Variants in MCF2L2 observed in about 807,000 individuals in gnomAD.
MCF2L2 encodes the protein probable guanine nucleotide exchange factor MCF2L2.
In MCF2L2, 102 loss-of-function variants were observed where a neutral mutation model predicts 150.2. The observed-to-expected ratio is 0.68, with a 90% CI of 0.58 to 0.80. The LOEUF is 0.80. Ranked by LOEUF, MCF2L2 falls within the 30% of genes least tolerant of loss-of-function variation. The pLI is 0.00. For synonymous variants in MCF2L2, 465 were observed against 491.3 expected, an observed-to-expected ratio of 0.95 and a Z score of 0.71; for missense variants, 1,256 against 1,372.8, an observed-to-expected ratio of 0.91 and a Z score of 1.34.
intron 15 of MCF2L2, chr3:183,253,191 A>G (rs1380767517): frequency 0.02 from 2 of 102 alleles, no homozygotes; most frequent in Non-Finnish European, 0.034. Flanking sequence ...CGTGACGCCG[A>G]GAGTGCGGGG....
intron 3 of MCF2L2, among the ~76,000 whole-genome samples, chr3:183,345,785 T>C (rs993997670): frequency 1.3e-5 from 2 of 152,112 alleles, no homozygotes; most frequent in Non-Finnish European, 2.9e-5. Flanking sequence ...GAGAATACTA[T>C]AAACACCTCT....
chr3:183,357,425 T>A (rs1004799075), intron 3 of MCF2L2, among the ~76,000 whole-genome samples: 1 of 151,400 alleles, frequency 6.6e-6, no homozygotes, highest in Non-Finnish European at 1.5e-5. Flanking sequence ...ACAAAAAGAG[T>A]CCACTTTAAG....
chr3:183,335,117 TAAAA>T (rs762136253), intron 5 of MCF2L2, among the ~76,000 whole-genome samples: 1 of 118,124 alleles, frequency 8.5e-6, no homozygotes, highest in Non-Finnish European at 1.7e-5. Flanking sequence ...GACTCTGTCT[TAAAA>T]AAAAAAAAGA....
chr3:183,187,531 T>C (rs1429797032), intron 27 of MCF2L2, among the ~76,000 whole-genome samples: 1 of 152,160 alleles, frequency 6.6e-6, no homozygotes, highest in South Asian at 2.1e-4. Context: ...TGCAGTGGCA[T>C]CATCTCAGCT....
At chr3:183,199,054 T>G (rs1336831916) in intron 25 of MCF2L2, among the ~76,000 whole-genome samples, 1 of 152,228 alleles carries the variant, frequency 6.6e-6, no homozygotes, top group Non-Finnish European at 1.5e-5. Flanking sequence ...ACCTACAGTT[T>G]AAATCAAGAA....
At position 183,197,491 on chromosome 3, in the gene MCF2L2, G is replaced by T. The variant is rs1722114415; in HGVS notation, c.2885-2236C>A. Among the ~76,000 whole-genome samples the T allele has an allele frequency of 6.6e-6, 1 of 152,106 alleles. No individual in the cohort carries two copies. Among genetic ancestry groups the T allele is most frequent in the African/African-American group, 2.4e-5 (1 of 41,430 alleles). On this transcript the variant is annotated intron_variant, in intron 25 of 29. Coordinates refer to ENST00000328913, the MANE Select transcript of MCF2L2 (RefSeq NM_015078.4). This position sits in a 1 kb window ranked among gnomAD's most constrained non-coding sequence, Gnocchi z 4.5. ...AAACAAATACTCAAAATGGATCAGA[G>T]ACCTAAATGTAAAACTATAAAACTT...
At chr3:183,297,551 C>T (rs1728584437) in intron 11 of MCF2L2, 1 of 169,242 alleles carries the variant, frequency 5.9e-6, no homozygotes, top group African/African-American at 2.4e-5. Context: ...AGGTCTACCC[C>T]AGGCTCAGGT....
chr3:183,367,809 AGAGT>A (rs993113389), intron 3 of MCF2L2, among the ~76,000 whole-genome samples: 6 of 152,134 alleles, frequency 3.9e-5, no homozygotes, highest in African/African-American at 4.8e-5. Context: ...AGAATGAGAG[AGAGT>A]GAGGTGAGAG....
chr3:183,246,776 G>T (rs1172426818), intron 15 of MCF2L2, among the ~76,000 whole-genome samples: 10 of 152,078 alleles, frequency 6.6e-5, no homozygotes, highest in African/African-American at 2.4e-4. Context: ...ACCCGCTACA[G>T]CAGCCGCATC....
At chr3:183,330,245 G>GAAAAAAAAAAAAAAA (rs200391954) in intron 5 of MCF2L2, among the ~76,000 whole-genome samples, 20 of 57,306 alleles carry the variant, frequency 3.5e-4, no homozygotes, top group African/African-American at 6.5e-4. Flanking sequence ...ACCCTGTCTT[G>GAAAAAAAAAAAAAAA]AAAAAAAAAA....
At chr3:183,216,955 C>A (rs1436595200) in intron 21 of MCF2L2, among the ~76,000 whole-genome samples, 2 of 151,204 alleles carry the variant, frequency 1.3e-5, no homozygotes, top group African/African-American at 4.9e-5. Flanking sequence ...TTTAAATAGG[C>A]TTCTCTCTCT....
At chr3:183,211,278 G>A (rs946858050) in intron 22 of MCF2L2, among the ~76,000 whole-genome samples, 5 of 152,072 alleles carry the variant, frequency 3.3e-5, no homozygotes, top group African/African-American at 9.7e-5. Context: ...TCCCATCTCC[G>A]CGAACTTGGC....
At position 183,270,962 on chromosome 3, in the gene MCF2L2, C is replaced by T. The variant is rs1346695941; in HGVS notation, c.1862+5910G>A. On this transcript the variant is annotated intron_variant, in intron 15 of 29. Coordinates refer to ENST00000328913, the MANE Select transcript of MCF2L2 (RefSeq NM_015078.4). This position sits in a 1 kb window ranked among gnomAD's most constrained non-coding sequence, Gnocchi z 4.5. ...AGTACTTGAATGTTGTATGTTTTCA[C>T]TGTCACTGAGTCAAACCTGGATGAA... The T allele has an allele frequency of 1.3e-6, 2 of 1,527,996 alleles. No individual in the cohort carries two copies. Among genetic ancestry groups the T allele is most frequent in the East Asian group, 2.3e-5 (1 of 44,082 alleles). The allele number at this position is 1,527,996 out of a possible 1,614,324, so 94.7% of individuals were successfully genotyped here. A position where few individuals can be genotyped will look rare whatever the true frequency, so the allele number is the denominator to read the frequency against.
At chr3:183,196,976 C>T (rs1722103386) in intron 25 of MCF2L2, among the ~76,000 whole-genome samples, 1 of 151,808 alleles carries the variant, frequency 6.6e-6, no homozygotes, top group Non-Finnish European at 1.5e-5. Context: ...TTTTGCAGGG[C>T]CAGGAAGGCA....
intron 15 of MCF2L2, among the ~76,000 whole-genome samples, chr3:183,256,524 T>C (rs971702017): frequency 6.6e-6 from 1 of 152,228 alleles, no homozygotes; most frequent in African/African-American, 2.4e-5. Context: ...CTTATTCAGA[T>C]TTCTCTTCCA....
intron 1 of MCF2L2, among the ~76,000 whole-genome samples, chr3:183,420,161 C>T (rs186864360): frequency 2.2e-4 from 34 of 152,302 alleles, no homozygotes; most frequent in African/African-American, 5.1e-4. Context: ...CCACATCTTC[C>T]GGTCTTCTTC....
At chr3:183,354,263 C>T (rs1711632102) in intron 3 of MCF2L2, among the ~76,000 whole-genome samples, 1 of 152,186 alleles carries the variant, frequency 6.6e-6, no homozygotes, top group Admixed American at 6.5e-5. Flanking sequence ...AAATATATTT[C>T]TTTGCCATAT....
intron 7 of MCF2L2, among the ~76,000 whole-genome samples, chr3:183,316,141 T>C (rs576591551): frequency 1.8e-4 from 27 of 152,260 alleles, no homozygotes; most frequent in African/African-American, 5.8e-4. Context: ...CCTAGCACAC[T>C]TCATGGAGGC....
intron 3 of MCF2L2, among the ~76,000 whole-genome samples, chr3:183,349,370 G>A (rs1731022001): frequency 6.6e-6 from 1 of 152,076 alleles, no homozygotes; most frequent in East Asian, 1.9e-4. Context: ...TATATCACAT[G>A]AATGTTGACA....
Sources: allele counts gnomAD v4.1 joint callset (sites outside exome capture counted in the v4.1 genomes callset), GRCh38; gene constraint gnomAD v4.1.1; non-coding constraint Gnocchi (gnomAD v3.1); transcripts MANE v1.5; gene names NCBI Gene and HGNC (gene_info 2026-07-23, HGNC 2026-07-21).